Variants in SEMA7A observed in about 807,000 individuals in gnomAD.
SEMA7A encodes semaphorin 7A (JohnMiltonHagen blood group).
SEMA7A carries 21 observed loss-of-function variants against 67.5 expected under a neutral mutation model. The ratio of observed to expected loss-of-function variants is 0.31; its 90% CI spans 0.22 to 0.45. SEMA7A has a LOEUF of 0.45. Among genes scored for constraint, SEMA7A ranks in the 20% least tolerant of loss-of-function variants. The pLI is 1.00. For synonymous variants in SEMA7A, 364 were observed against 368.5 expected, an observed-to-expected ratio of 0.99 and a Z score of 0.14; for missense variants, 774 against 908.6, an observed-to-expected ratio of 0.85 and a Z score of 1.90.
intron 1 of SEMA7A, 42 bp from the exon 2 acceptor site, chr15:74,418,994 C>G (rs531508997): frequency 1.3e-6 from 2 of 1,598,084 alleles, no homozygotes; most frequent in African/African-American, 1.3e-5. Context: ...AGCCAGGTCC[C>G]GAGAGAGAAG....
chr15:74,425,828 G>A (rs1237665274), intron 1 of SEMA7A, among the ~76,000 whole-genome samples: 1 of 152,154 alleles, frequency 6.6e-6, no homozygotes, highest in East Asian at 1.9e-4. Context: ...CTGCTTCCCT[G>A]TGGGATGGCT....
At chr15:74,421,229 G>A (rs1767599482) in intron 1 of SEMA7A, among the ~76,000 whole-genome samples, 2 of 152,206 alleles carry the variant, frequency 1.3e-5, no homozygotes, top group Admixed American at 1.3e-4. Flanking sequence ...GAATACATCT[G>A]AGGGGTCAGA....
intron 10 of SEMA7A, among the ~76,000 whole-genome samples, chr15:74,413,856 G>A (rs2060922199): frequency 6.6e-6 from 1 of 152,154 alleles, no homozygotes; most frequent in Admixed American, 6.5e-5. Context: ...CCCCAGGGGT[G>A]CTAGAGGCCC....
At chr15:74,416,425 A>G in intron 7 of SEMA7A, 150 bp downstream of exon 7, 1 of 788,698 alleles carries the variant, frequency 1.3e-6, no homozygotes, top group Non-Finnish European at 2.0e-6. Context: ...ATGATGCTCC[A>G]TGCACACACA....
Position 74,410,715 on chromosome 15 carries a change from G to A in SEMA7A, c.1910C>T (p.Ala637Val). Residue 637 changes from alanine to valine, a missense_variant, in exon 14 of 14, where the codon GCC (alanine) becomes GTC (valine). Physicochemically the swap from Ala to Val is moderately conservative, Grantham distance 64. Transcript: ENST00000261918. This position sits in a 1 kb window ranked among gnomAD's most constrained non-coding sequence, Gnocchi z 7.5. ...WQLLPEDGIM[A>V]EHLLGHACAL... ...ACAGGCATGACCCAGCAGGTGCTCG[G>A]CCATGATGCCGTCCTCGGGCAGCAG... The A allele has an allele frequency of 1.2e-6, 2 of 1,613,722 alleles. No homozygotes were observed. Among genetic ancestry groups the A allele is most frequent in the Non-Finnish European group, 1.7e-6 (2 of 1,179,962 alleles).
At chr15:74,418,726 T>TCCCTGAGGACCCTG (rs1232273730) in intron 2 of SEMA7A, 75 bp downstream of exon 2, 1 of 1,519,724 alleles carries the variant, frequency 6.6e-7, no homozygotes, top group African/African-American at 1.4e-5. Context: ...TCCCTCGGAT[T>TCCCTGAGGACCCTG]CCCTGAGGAC....
chr15:74,432,379 G>A (rs2061096094), intron 1 of SEMA7A, among the ~76,000 whole-genome samples: 1 of 152,064 alleles, frequency 6.6e-6, no homozygotes, highest in East Asian at 1.9e-4. Flanking sequence ...CTTCCTCCAG[G>A]AGCACCTCAG....
Position 74,414,903 on chromosome 15 carries a change from T to C in SEMA7A, c.1030A>G (p.Lys344Glu). The change falls in exon 9 of 14, where the codon AAG (lysine) becomes GAG (glutamate). Residue 344 changes from lysine to glutamate, a missense_variant. This residue lies in a region of SEMA7A where 427 missense variants were observed against 555.4 expected (regional missense o/e 0.77). Transcript: ENST00000261918. This position sits in a 1 kb window ranked among gnomAD's most constrained non-coding sequence, Gnocchi z 4.1. ...VCVYSLGDID[K>E]VFRTSSLKGY... ...TTGAGTGAGGAGGTACGGAAGACCT[T>C]GTCAATGTCACCGAGGGAATACACA... The C allele has an allele frequency of 6.2e-7, 1 of 1,614,122 alleles. No homozygotes were observed. The highest frequency in any genetic ancestry group is 1.3e-5 in the African/African-American group (1 of 75,016).
intron 8 of SEMA7A, 25 bp downstream of exon 8, chr15:74,415,776 C>T (rs376785157): frequency 2.9e-5 from 46 of 1,594,512 alleles, no homozygotes; most frequent in Middle Eastern, 1.9e-4. Flanking sequence ...ATGCCAGCCC[C>T]GGCCCCAGGA....
intron 1 of SEMA7A, among the ~76,000 whole-genome samples, chr15:74,432,217 C>A (rs1317844095): frequency 6.6e-6 from 1 of 152,044 alleles, no homozygotes; most frequent in Non-Finnish European, 1.5e-5. Context: ...CCAGAGTGCC[C>A]ACACGCTATG....
chr15:74,416,057 T>G, intron 7 of SEMA7A, 72 bp from the exon 8 acceptor site: 5 of 1,468,418 alleles, frequency 3.4e-6, no homozygotes, highest in African/African-American at 1.4e-5. Flanking sequence ...AGGAAACCAC[T>G]GCCAGCAATA....
intron 1 of SEMA7A, among the ~76,000 whole-genome samples, chr15:74,429,326 C>T (rs1012670432): frequency 6.6e-6 from 1 of 152,190 alleles, no homozygotes; most frequent in Non-Finnish European, 1.5e-5. Context: ...CTTCACATCC[C>T]ACCTTGCTTG....
chr15:74,427,734 C>T (rs970846703), intron 1 of SEMA7A, among the ~76,000 whole-genome samples: 7 of 152,168 alleles, frequency 4.6e-5, no homozygotes, highest in African/African-American at 1.2e-4. Context: ...TCCTTGATTG[C>T]ACCATCCCAC....
chr15:74,420,197 CA>C (rs2060988268), intron 1 of SEMA7A, among the ~76,000 whole-genome samples: 1 of 152,224 alleles, frequency 6.6e-6, no homozygotes, highest in Admixed American at 6.5e-5. Flanking sequence ...CTGCATTTAA[CA>C]GGGGCAAGGA....
intron 7 of SEMA7A, 94 bp from the exon 8 acceptor site, chr15:74,416,079 GC>G: frequency 7.6e-7 from 1 of 1,310,772 alleles, no homozygotes; most frequent in Non-Finnish European, 1.1e-6. Context: ...CAACACCTGG[GC>G]CCAGAGGAGG....
chr15:74,411,488 G>C lies in SEMA7A; in HGVS notation c.1577+68C>G, dbSNP rs1206195441. Reference sequence around the variant, plus strand: ...AGGCCCAGTACCGCCACCTCCTCCAGCCCGACAACACCTCCCCCTCTCCCA... The same window carrying C: ...AGGCCCAGTACCGCCACCTCCTCCACCCCGACAACACCTCCCCCTCTCCCA... On this transcript the variant is annotated intron_variant, in intron 12 of 13. Transcript: ENST00000261918. This position sits in a 1 kb window ranked among gnomAD's most constrained non-coding sequence, Gnocchi z 4.4. The C allele has an allele frequency of 6.5e-7, 1 of 1,542,516 alleles. No individual in the cohort carries two copies. Among genetic ancestry groups the C allele is most frequent in the Non-Finnish European group, 8.7e-7 (1 of 1,143,552 alleles).
chr15:74,412,098 G>A (rs1015200793), intron 10 of SEMA7A, 86 bp from the exon 11 acceptor site: 5 of 1,530,420 alleles, frequency 3.3e-6, no homozygotes, highest in African/African-American at 2.7e-5. Context: ...GGGGTGGGAA[G>A]TCACAACTCA....
At chr15:74,415,701 C>A in intron 8 of SEMA7A, 100 bp downstream of exon 8, 1 of 1,227,624 alleles carries the variant, frequency 8.1e-7, no homozygotes. Context: ...AGCCCCTGCT[C>A]CTGCCACACC....
intron 1 of SEMA7A, among the ~76,000 whole-genome samples, chr15:74,428,615 G>A (rs2061061331): frequency 6.6e-6 from 1 of 152,252 alleles, no homozygotes; most frequent in South Asian, 2.1e-4. Context: ...TGAGTGGGGT[G>A]CAGAGAGGAG....
Sources: allele counts gnomAD v4.1 joint callset (sites outside exome capture counted in the v4.1 genomes callset), GRCh38; gene constraint gnomAD v4.1.1; regional missense constraint gnomAD v4.1.1; non-coding constraint Gnocchi (gnomAD v3.1); transcripts MANE v1.5; gene names NCBI Gene and HGNC (gene_info 2026-07-23, HGNC 2026-07-21).